ATXN2: variants seen among roughly 807,000 people sequenced by gnomAD.
ATXN2 encodes the protein ataxin-2.
A neutral mutation model predicts 138.6 loss-of-function variants in ATXN2; 37 were observed. The ratio of observed to expected loss-of-function variants is 0.27; its 90% CI spans 0.21 to 0.35. ATXN2 has a LOEUF of 0.35. Among genes scored for constraint, ATXN2 ranks in the 10% least tolerant of loss-of-function variants. The pLI is 1.00. For synonymous variants in ATXN2, 549 were observed against 543.7 expected, an observed-to-expected ratio of 1.01 and a Z score of -0.13; for missense variants, 1,216 against 1,480.3, an observed-to-expected ratio of 0.82 and a Z score of 2.93.
At chr12:111,515,228 A>G (rs1310607207) in intron 10 of ATXN2, among the ~76,000 whole-genome samples, 3 of 152,244 alleles carry the variant, frequency 2.0e-5, no homozygotes, top group Admixed American at 6.5e-5. Flanking sequence ...GGAGAAACAC[A>G]TTTTGTGCGG....
At chr12:111,487,660 T>C (rs958466687) in intron 15 of ATXN2, among the ~76,000 whole-genome samples, 1 of 151,874 alleles carries the variant, frequency 6.6e-6, no homozygotes, top group Non-Finnish European at 1.5e-5. Flanking sequence ...GGGTTTCACA[T>C]GTTGGCCAGG....
At chr12:111,566,150 C>T (rs540678954) in intron 1 of ATXN2, among the ~76,000 whole-genome samples, 4 of 152,088 alleles carry the variant, frequency 2.6e-5, no homozygotes, top group African/African-American at 9.6e-5. Flanking sequence ...TTAAGAAATA[C>T]GGCCGGGCGC....
intron 14 of ATXN2, among the ~76,000 whole-genome samples, chr12:111,501,144 G>A (rs1026817538): frequency 1.3e-5 from 2 of 152,088 alleles, no homozygotes; most frequent in African/African-American, 4.8e-5. Context: ...CGTCTACTAT[G>A]TACCCATAAA....
chr12:111,480,563 T>C (rs765042989), intron 18 of ATXN2, among the ~76,000 whole-genome samples: 1 of 152,130 alleles, frequency 6.6e-6, no homozygotes. Flanking sequence ...TAATTCCAGC[T>C]ACTCAGGAGG....
chr12:111,568,198 T>A lies in ATXN2; in HGVS notation c.252-12279A>T, dbSNP rs1030442724. Among the ~76,000 whole-genome samples, 10 of 152,098 alleles carry A rather than the reference T, an allele frequency of 6.6e-5. No homozygotes were observed. The South Asian group carries it at 1.5e-3, about 22-fold the overall frequency. ...ATCGCTTGAACCCAGGAAGCAGAGG[T>A]TGCAGTAAGCCAATATCACGACAAT... On this transcript the variant is annotated intron_variant, in intron 1 of 24. Transcript: ENST00000673436.
intron 14 of ATXN2, among the ~76,000 whole-genome samples, chr12:111,490,220 A>T (rs1363448852): frequency 1.3e-5 from 2 of 152,036 alleles, no homozygotes; most frequent in African/African-American, 4.8e-5. Context: ...ATTAAAAAAA[A>T]AAAAAAAAAA....
At chr12:111,577,288 C>CA (rs1262270233) in intron 1 of ATXN2, among the ~76,000 whole-genome samples, 5 of 151,866 alleles carry the variant, frequency 3.3e-5, no homozygotes, top group East Asian at 1.9e-4. Flanking sequence ...TATTTTGAGA[C>CA]AGAGTCTCGC....
intron 14 of ATXN2, among the ~76,000 whole-genome samples, chr12:111,491,560 C>T (rs996690611): frequency 3.9e-5 from 6 of 152,150 alleles, no homozygotes; most frequent in African/African-American, 4.8e-5. Flanking sequence ...CTAGTTCAGC[C>T]ACAGTAAAAT....
intron 1 of ATXN2, among the ~76,000 whole-genome samples, chr12:111,587,843 G>T (rs1045341915): frequency 6.6e-6 from 1 of 152,030 alleles, no homozygotes; most frequent in South Asian, 2.1e-4. Flanking sequence ...CTTCATTATA[G>T]AATGAAATTT....
chr12:111,519,984 T>C lies in ATXN2; in HGVS notation c.881A>G (p.Tyr294Cys). The C allele has an allele frequency of 6.2e-7, 1 of 1,614,182 alleles. No homozygotes were observed. The highest frequency in any genetic ancestry group is 1.1e-5 in the South Asian group (1 of 91,082). The change falls in exon 8 of 25, where the codon TAC becomes TGC. Residue 294 changes from tyrosine to cysteine, a missense_variant. Physicochemically the swap from Tyr to Cys is radical, Grantham distance 194 (BLOSUM62 -2). Around this residue, in one of 4 missense-constraint regions of ATXN2, gnomAD observed 401 missense variants for 528.1 expected, o/e 0.76. Transcript: ENST00000673436. ...ATTTTCCAGGGCCACTCGAGCTTTG[T>C]ACTGGGCACTTGACTCAATTTCTTC... ...LAEEIESSAQ[Y>C]KARVALENDD...
intron 5 of ATXN2, among the ~76,000 whole-genome samples, chr12:111,539,804 A>G (rs1881399843): frequency 6.7e-6 from 1 of 150,282 alleles, no homozygotes; most frequent in Admixed American, 6.7e-5. Context: ...TCTGTAGAAG[A>G]ACTAAGACAA....
At chr12:111,554,752 A>G (rs1171407222) in intron 2 of ATXN2, among the ~76,000 whole-genome samples, 1 of 152,220 alleles carries the variant, frequency 6.6e-6, no homozygotes, top group African/African-American at 2.4e-5. Context: ...AAACTGTTCT[A>G]TTAACTTGAT....
intron 1 of ATXN2, among the ~76,000 whole-genome samples, chr12:111,560,564 A>G (rs892608032): frequency 6.6e-6 from 1 of 152,190 alleles, no homozygotes; most frequent in Non-Finnish European, 1.5e-5. Flanking sequence ...AGGCATACCC[A>G]AGGCTGCATC....
chr12:111,468,341 A>C (rs997499463), intron 20 of ATXN2: 1 of 152,260 alleles, frequency 6.6e-6, no homozygotes, highest in Admixed American at 6.5e-5. Flanking sequence ...TCTTGAAAAA[A>C]ATGTTTTCCA....
Position 111,485,305 on chromosome 12 carries a change from G to C in ATXN2, c.2484C>G (p.Pro828=), listed in dbSNP as rs1356558338. 3 of 1,612,626 alleles carry C rather than the reference G, an allele frequency of 1.9e-6. No homozygotes were observed. The East Asian group carries it at 6.7e-5, about 36-fold the overall frequency. Residue 828 remains proline, a synonymous_variant, in exon 18 of 25, where the codon CCC becomes CCG. Coordinates refer to ENST00000673436, the MANE Select transcript of ATXN2 (RefSeq NM_001372574.1). Reference sequence around the variant, plus strand: ...ATGTCTTGGCTTGATTCACTGGCATGGGCGTCATAGGTATTGGGTATAAAG... The same window carrying C: ...ATGTCTTGGCTTGATTCACTGGCATCGGCGTCATAGGTATTGGGTATAAAG... ...VQPLYPIPMT[P]MPVNQAKTYR... is the part of the protein sequence containing the mutation.
chr12:111,513,380 G>A lies in ATXN2; in HGVS notation c.1535C>T (p.Thr512Met), dbSNP rs779403782. 42 of 1,613,246 alleles carry A rather than the reference G, an allele frequency of 2.6e-5. No homozygotes were observed. The highest frequency in any genetic ancestry group is 3.3e-5 in the Non-Finnish European group (39 of 1,179,894). Reference protein sequence around the residue: ...PVARTSPSGGTWSSVVSGVPR... With the variant: ...PVARTSPSGGMWSSVVSGVPR... Reference sequence around the variant, plus strand: ...ACCCCCACTGACCACTGATGACCACGTTCCCCCCGAGGGACTGGTCCTTGC... The same window carrying A: ...ACCCCCACTGACCACTGATGACCACATTCCCCCCGAGGGACTGGTCCTTGC... Residue 512 changes from threonine to methionine, a missense_variant, in exon 11 of 25, where the codon ACG (threonine) becomes ATG (methionine). Thr to Met is a moderately conservative substitution (Grantham distance 81, BLOSUM62 -1). Transcript: ENST00000673436.
At chr12:111,553,572 C>CAAAA (rs757837884) in intron 3 of ATXN2, among the ~76,000 whole-genome samples, 15 of 48,914 alleles carry the variant, frequency 3.1e-4, no homozygotes, top group Admixed American at 7.4e-4. Context: ...TCTTTTTTCT[C>CAAAA]AAAAAAAAAA....
chr12:111,541,622 C>T lies in ATXN2; in HGVS notation c.571+10658G>A, dbSNP rs79996696. Among the ~76,000 whole-genome samples the T allele has an allele frequency of 3.8e-3, 562 of 148,690 alleles. 22 individuals carry two copies. The East Asian group carries it at 0.096, about 25-fold the overall frequency. On this transcript the variant is annotated intron_variant, in intron 5 of 24. Transcript: ENST00000673436. The stretch of plus-strand genomic sequence containing the variant: ...TGCTGGAATTATAGGCGTGAGCCAC[C>T]GCACCCAGCTGACAAGTTATGTTTT...
chr12:111,471,016 CA>C, intron 18 of ATXN2: 1 of 428,270 alleles, frequency 2.3e-6, no homozygotes, highest in South Asian at 2.8e-5. Context: ...GACTTTCTCT[CA>C]TGGCCCTCAG....
Sources: allele counts gnomAD v4.1 joint callset (sites outside exome capture counted in the v4.1 genomes callset), GRCh38; gene constraint gnomAD v4.1.1; regional missense constraint gnomAD v4.1.1; transcripts MANE v1.5; gene names NCBI Gene and HGNC (gene_info 2026-07-23, HGNC 2026-07-21).